DYM: variants seen among roughly 807,000 people sequenced by gnomAD.
DYM encodes dyggve-Melchior-Clausen syndrome protein.
A neutral mutation model predicts 93.1 loss-of-function variants in DYM; 78 were observed. The observed-to-expected ratio is 0.84, with a 90% confidence interval of 0.70 to 1.01. The LOEUF (loss-of-function observed/expected upper bound fraction) is 1.01. DYM is among the 50% of genes least tolerant of loss of function. The pLI, the probability that DYM is intolerant of heterozygous loss-of-function variation, is 0.00. For synonymous variants in DYM, 321 were observed against 319.7 expected, an observed-to-expected ratio of 1.00 and a Z score of -0.04; for missense variants, 789 against 845.0, an observed-to-expected ratio of 0.93 and a Z score of 0.82.
chr18:49,281,860 G>A (rs565461409), intron 10 of DYM, 137 bp downstream of exon 10: 38 of 771,338 alleles, frequency 4.9e-5, no homozygotes, highest in East Asian at 1.7e-4. Context: ...GTTAAATGAC[G>A]AGTTCCTGGG....
rs141872579 is a variant in DYM at position 49,249,354 on chromosome 18, TTA to T, written c.1460+7654_1460+7655del. Among the ~76,000 whole-genome samples the T allele has an allele frequency of 8.4e-3, 1,284 of 152,290 alleles. 31 individuals carry two copies. Among genetic ancestry groups the T allele is most frequent in the South Asian group, 0.057 (277 of 4,820 alleles). On this transcript the variant is annotated intron_variant, in intron 13 of 17. Transcript: ENST00000675505. ...TTTCTAAAATTATCATAATCATATA[TTA>T]TGTTATTACATATTTGAATTGTGCA...
intron 13 of DYM, among the ~76,000 whole-genome samples, chr18:49,215,056 C>T (rs2092965019): frequency 6.6e-6 from 1 of 152,176 alleles, no homozygotes; most frequent in Non-Finnish European, 1.5e-5. Flanking sequence ...TAGCCTCATT[C>T]CACAGATATG....
chr18:49,148,993 A>C (rs1340397993), intron 15 of DYM, among the ~76,000 whole-genome samples: 1 of 152,134 alleles, frequency 6.6e-6, no homozygotes, highest in African/African-American at 2.4e-5. Context: ...ACTTACCATG[A>C]TGTAGAATCA....
chr18:49,311,905 G>A (rs1011137020), intron 8 of DYM, among the ~76,000 whole-genome samples: 9 of 151,626 alleles, frequency 5.9e-5, no homozygotes, highest in Non-Finnish European at 1.3e-4. Context: ...ATTCACATGA[G>A]AGATGATGAA....
chr18:49,377,546 C>A (rs139141339), intron 5 of DYM, among the ~76,000 whole-genome samples: 1 of 151,710 alleles, frequency 6.6e-6, no homozygotes, highest in Non-Finnish European at 1.5e-5. Context: ...GGCAACAGAG[C>A]GAGACTCCAT....
intron 15 of DYM, among the ~76,000 whole-genome samples, chr18:49,139,350 CTAT>C (rs1044921376): frequency 2.0e-5 from 3 of 152,006 alleles, no homozygotes; most frequent in African/African-American, 7.3e-5. Flanking sequence ...ATAATGTGTA[CTAT>C]TATTTTAAAT....
intron 1 of DYM, among the ~76,000 whole-genome samples, chr18:49,431,489 A>AC (rs2080313673): frequency 6.6e-6 from 1 of 152,194 alleles, no homozygotes; most frequent in South Asian, 2.1e-4. Flanking sequence ...AGGGAAGAAA[A>AC]CTAGTTACAA....
intron 6 of DYM, among the ~76,000 whole-genome samples, chr18:49,354,217 C>CA (rs965717065): frequency 8.6e-5 from 13 of 150,806 alleles, no homozygotes; most frequent in African/African-American, 2.7e-4. Context: ...TATCCACATG[C>CA]AAAAAAAAGA....
At chr18:49,189,856 C>T (rs1440261478) in intron 14 of DYM, among the ~76,000 whole-genome samples, 2 of 152,182 alleles carry the variant, frequency 1.3e-5, no homozygotes, top group African/African-American at 4.8e-5. Flanking sequence ...ATAGTCACAT[C>T]AACTGTTACA....
At chr18:49,402,464 A>G (rs1163550352) in intron 2 of DYM, among the ~76,000 whole-genome samples, 3 of 152,178 alleles carry the variant, frequency 2.0e-5, no homozygotes, top group African/African-American at 4.8e-5. Context: ...TCAGGTCTCC[A>G]CTAGAGTATA....
intron 13 of DYM, among the ~76,000 whole-genome samples, chr18:49,218,449 T>C (rs964183300): frequency 8.5e-5 from 13 of 152,182 alleles, no homozygotes; most frequent in Non-Finnish European, 1.3e-4. Context: ...CAACAGAATA[T>C]ACATTTTTTT....
At chr18:49,231,778 C>A (rs887425087) in intron 13 of DYM, among the ~76,000 whole-genome samples, 1 of 152,144 alleles carries the variant, frequency 6.6e-6, no homozygotes, top group Non-Finnish European at 1.5e-5. Flanking sequence ...AGTGTACTAG[C>A]ACATCTGGAG....
intron 17 of DYM, among the ~76,000 whole-genome samples, chr18:49,086,717 G>A (rs1340786398): frequency 1.3e-5 from 2 of 152,154 alleles, no homozygotes; most frequent in Admixed American, 6.5e-5. Context: ...GCAGGGCTGG[G>A]CGCGGTGGCT....
chr18:49,308,768 T>G (rs2061419825), intron 8 of DYM, among the ~76,000 whole-genome samples: 2 of 152,056 alleles, frequency 1.3e-5, no homozygotes, highest in South Asian at 4.2e-4. Context: ...TTGCTCACTG[T>G]GGGGTCTCTG....
intron 15 of DYM, among the ~76,000 whole-genome samples, chr18:49,120,078 CAAAAAAAAA>C (rs71165367): frequency 3.6e-5 from 2 of 56,182 alleles, no homozygotes; most frequent in African/African-American, 1.2e-4. Context: ...GATCCTGTCT[CAAAAAAAAA>C]AAAAAAAAGA....
intron 5 of DYM, among the ~76,000 whole-genome samples, chr18:49,368,203 C>T (rs1402998718): frequency 6.6e-6 from 1 of 151,974 alleles, no homozygotes; most frequent in Non-Finnish European, 1.5e-5. Flanking sequence ...TTCTAATTAC[C>T]CTAAAAGATA....
At chr18:49,265,237 G>A (rs187122726) in intron 11 of DYM, among the ~76,000 whole-genome samples, 123 of 152,282 alleles carry the variant, frequency 8.1e-4, no homozygotes, top group African/African-American at 2.6e-3. Flanking sequence ...GAGAAAACCC[G>A]AGAGCAGGCT....
intron 14 of DYM, among the ~76,000 whole-genome samples, chr18:49,166,989 CGTGTGTGTGT>C (rs61299099): frequency 0.17 from 24,384 of 141,822 alleles, 2,131 homozygotes; most frequent in South Asian, 0.23. Flanking sequence ...TCTCACATTC[CGTGTGTGTGT>C]GTGTGTGTGT....
At position 49,417,534 on chromosome 18, in the gene DYM, A is replaced by G. The variant is rs116364790; in HGVS notation, c.140+12721T>C. Reference sequence around the variant, plus strand: ...ATGGTAAAACCCAAATGGTAAATCCAATTAATTTTGGTATATATGCCCCCC... The same window carrying G: ...ATGGTAAAACCCAAATGGTAAATCCGATTAATTTTGGTATATATGCCCCCC... On this transcript the variant is annotated intron_variant, in intron 2 of 17. Coordinates refer to ENST00000675505, the MANE Select transcript of DYM (RefSeq NM_001353214.3). Among the ~76,000 whole-genome samples the G allele has an allele frequency of 5.3e-3, 803 of 151,378 alleles. 15 individuals carry two copies. The highest frequency in any genetic ancestry group is 0.019 in the African/African-American group (773 of 41,436).
Sources: gnomAD v4.1 joint callset for allele counts (sites outside exome capture counted in the v4.1 genomes callset) on GRCh38, gnomAD v4.1.1 for gene constraint, MANE v1.5 for transcripts, NCBI Gene and HGNC (gene_info 2026-07-23, HGNC 2026-07-21) for gene names.